The following WIPF3 variants were observed in gnomAD, a reference collection of about 807,000 sequenced individuals.
WIPF3 encodes WAS/WASL-interacting protein family member 3.
A neutral mutation model predicts 38.9 loss-of-function variants in WIPF3; 33 were observed. That is an observed-to-expected ratio of 0.85 (90% confidence interval 0.64 to 1.14). The LOEUF is 1.14. Ranked by LOEUF, WIPF3 falls within the 50% of genes most tolerant of loss-of-function variation. WIPF3 has a pLI of 0.00. For synonymous variants in WIPF3, 324 were observed against 269.3 expected (o/e 1.20, Z -1.99); for missense variants, 711 against 652.5 (o/e 1.09, Z -0.98).
At chr7:29,913,190 T>C (rs1352936954) in intron 8 of WIPF3, among the ~76,000 whole-genome samples, 2 of 151,880 alleles carry the variant, frequency 1.3e-5, no homozygotes, top group Non-Finnish European at 2.9e-5. Flanking sequence ...CTACTAAAAA[T>C]ACAGAATTAG....
chr7:29,845,757 G>A (rs1419879495), intron 2 of WIPF3, among the ~76,000 whole-genome samples: 2 of 152,238 alleles, frequency 1.3e-5, no homozygotes, highest in Non-Finnish European at 2.9e-5. Context: ...TCACAAAGCA[G>A]CTAATGAGAG....
At chr7:29,811,856 T>C (rs1398762883) in intron 1 of WIPF3, among the ~76,000 whole-genome samples, 1 of 152,210 alleles carries the variant, frequency 6.6e-6, no homozygotes, top group Admixed American at 6.5e-5. Flanking sequence ...TTCTTAGCTA[T>C]GCTTACTGAG....
At chr7:29,862,566 G>T (rs1170895227) in intron 2 of WIPF3, among the ~76,000 whole-genome samples, 1 of 152,154 alleles carries the variant, frequency 6.6e-6, no homozygotes, top group African/African-American at 2.4e-5. Context: ...GTTAAAAAAT[G>T]AGCTGTGCAA....
At chr7:29,848,409 G>T in intron 2 of WIPF3, among the ~76,000 whole-genome samples, 1 of 152,270 alleles carries the variant, frequency 6.6e-6, no homozygotes, top group African/African-American at 2.4e-5. Flanking sequence ...CTAGACTTGC[G>T]TTTCCCTGGA....
At position 29,878,900 on chromosome 7, in the gene WIPF3, A is replaced by T; in HGVS notation, c.224-109A>T. The T allele has an allele frequency of 7.7e-7, 1 of 1,301,278 alleles. No individual in the cohort carries two copies. Among genetic ancestry groups the T allele is most frequent in the South Asian group, 1.4e-5 (1 of 68,988 alleles). The allele number at this position is 1,301,278 out of a possible 1,614,324, so 80.6% of individuals were successfully genotyped here. On this transcript the variant is annotated intron_variant, in intron 3 of 8. Transcript: ENST00000242140. This position sits in a 1 kb window ranked among gnomAD's most constrained non-coding sequence, Gnocchi z 4.0. ...ATGACATTGGAGGTGGGAGAATGGG[A>T]AGGCTGACAAGGGCAGTGGTAGACC...
At chr7:29,876,064 A>G in intron 3 of WIPF3, 102 bp downstream of exon 3, 1 of 1,483,894 alleles carries the variant, frequency 6.7e-7, no homozygotes, top group Middle Eastern at 2.5e-4. Context: ...GCTTCCCAGG[A>G]TGCATATGGA....
At chr7:29,861,032 G>A (rs1785265817) in intron 2 of WIPF3, among the ~76,000 whole-genome samples, 1 of 152,150 alleles carries the variant, frequency 6.6e-6, no homozygotes, top group South Asian at 2.1e-4. Context: ...AGTTGGAAAT[G>A]CAGGCCTGGG....
intron 1 of WIPF3, among the ~76,000 whole-genome samples, chr7:29,831,204 T>C (rs543296718): frequency 6.6e-6 from 1 of 152,320 alleles, no homozygotes; most frequent in Non-Finnish European, 1.5e-5. Flanking sequence ...CGCTGCCTAG[T>C]ATTCTTAAGC....
Position 29,828,205 on chromosome 7 carries a change from GA to G in WIPF3, c.-57-6455del, listed in dbSNP as rs200547118. 1.5e-3 allele frequency among the ~76,000 whole-genome samples: 221 copies of G among 151,880 alleles called. 7 individuals are homozygous for G. In the East Asian group the frequency reaches 0.039, roughly 27 times the overall value. ...TGTACTCTCACAGACTACTCTTGGA[GA>G]AAAAAAAGAGTTTGACGAGAGCAAC... On this transcript the variant is annotated intron_variant, in intron 1 of 8. Transcript: ENST00000242140.
At chr7:29,891,441 T>A (rs1263834398) in intron 7 of WIPF3, among the ~76,000 whole-genome samples, 1 of 152,226 alleles carries the variant, frequency 6.6e-6, no homozygotes, top group Non-Finnish European at 1.5e-5. Flanking sequence ...CCTGCGTGGC[T>A]GTACATTTAG....
intron 2 of WIPF3, among the ~76,000 whole-genome samples, chr7:29,871,992 C>T (rs1336543277): frequency 6.6e-6 from 1 of 152,208 alleles, no homozygotes; most frequent in African/African-American, 2.4e-5. Flanking sequence ...ATTGTCACTA[C>T]TCAAGCACCA....
chr7:29,877,455 C>G (rs1404220958), intron 3 of WIPF3, among the ~76,000 whole-genome samples: 4 of 152,290 alleles, frequency 2.6e-5, no homozygotes, highest in Non-Finnish European at 5.9e-5. Context: ...AACAGCTGAT[C>G]CGGGTATTCT....
intron 2 of WIPF3, among the ~76,000 whole-genome samples, chr7:29,835,873 CA>C (rs1448312042): frequency 2.0e-5 from 3 of 152,218 alleles, no homozygotes; most frequent in Admixed American, 2.0e-4. Context: ...CCACCGGATG[CA>C]ACCCTCCCTC....
chr7:29,904,306 C>T lies in WIPF3; in HGVS notation c.1372C>T (p.Leu458Phe), dbSNP rs780299474. The T allele has an allele frequency of 7.4e-6, 12 of 1,613,796 alleles. No individual in the cohort carries two copies. Among genetic ancestry groups the T allele is most frequent in the African/African-American group, 2.7e-5 (2 of 74,902 alleles). ...TTCAGGCCGTACACCTGGTCCCTGG[C>T]TCCAAGCGGAAGCAGTCGGGCAGAG... ...IPRSRTPGPW[L>F]QAEAVGQSSD... The change falls in exon 8 of 9, where the codon CTC (leucine) becomes TTC (phenylalanine). Residue 458 changes from leucine to phenylalanine, a missense_variant. Leu to Phe is a conservative substitution (Grantham distance 22). Coordinates refer to ENST00000242140, the MANE Select transcript of WIPF3 (RefSeq NM_001080529.3).
intron 2 of WIPF3, among the ~76,000 whole-genome samples, chr7:29,871,759 C>T (rs181543517): frequency 3.0e-4 from 46 of 152,276 alleles, no homozygotes; most frequent in African/African-American, 9.4e-4. Context: ...AAAGGCCCCT[C>T]CGTATTTTTT....
chr7:29,807,603 G>A (rs1409696473), intron 1 of WIPF3, among the ~76,000 whole-genome samples: 2 of 152,240 alleles, frequency 1.3e-5, no homozygotes, highest in African/African-American at 4.8e-5. Context: ...GGCGGCGTGG[G>A]GACCGTGTGT....
chr7:29,882,210 A>ATTAACT (rs1785734277), intron 4 of WIPF3, among the ~76,000 whole-genome samples: 1 of 152,232 alleles, frequency 6.6e-6, no homozygotes, highest in Non-Finnish European at 1.5e-5. Context: ...GTCCTCAGTT[A>ATTAACT]CTTAAAAGGT....
intron 2 of WIPF3, among the ~76,000 whole-genome samples, chr7:29,847,277 T>A (rs1262362645): frequency 6.6e-6 from 1 of 152,140 alleles, no homozygotes; most frequent in Non-Finnish European, 1.5e-5. Flanking sequence ...GGTCAGACAC[T>A]AGAAGCCAAG....
chr7:29,878,613 T>C lies in WIPF3; in HGVS notation c.224-396T>C, dbSNP rs1785653907. 6.6e-6 allele frequency among the ~76,000 whole-genome samples: 1 copy of C among 152,196 alleles called. No homozygotes were observed. Among genetic ancestry groups the C allele is most frequent in the Admixed American group, 6.5e-5 (1 of 15,282 alleles). ...ACTGACTGAATTAAATCTGTGGGTT[T>C]TCTTTGTCTAGTCCTCCATAGCCAA... On this transcript the variant is annotated intron_variant, in intron 3 of 8. Coordinates refer to ENST00000242140, the MANE Select transcript of WIPF3 (RefSeq NM_001080529.3). The surrounding 1 kb of genome is among the most constrained non-coding windows in gnomAD (Gnocchi z 4.0).
Sources: gnomAD v4.1 joint callset for allele counts (sites outside exome capture counted in the v4.1 genomes callset) on GRCh38, gnomAD v4.1.1 for gene constraint, Gnocchi (gnomAD v3.1) non-coding constraint, MANE v1.5 for transcripts, NCBI Gene and HGNC (gene_info 2026-07-23, HGNC 2026-07-21) for gene names.